The following PLXDC2 variants were observed in gnomAD, a reference collection of about 807,000 sequenced individuals.
PLXDC2 encodes the protein plexin domain containing 2.
Under a neutral mutation model 68.9 loss-of-function variants are expected in PLXDC2, and 40 were observed. The ratio of observed to expected loss-of-function variants is 0.58; its 90% CI spans 0.45 to 0.76. The LOEUF is 0.76. PLXDC2 is among the 30% of genes least tolerant of loss of function. PLXDC2 has a pLI of 0.00. For missense variants in PLXDC2, 644 were observed against 661.9 expected (o/e 0.97, Z 0.30); for synonymous variants, 243 against 234.2 (o/e 1.04, Z -0.34).
intron 6 of PLXDC2, among the ~76,000 whole-genome samples, chr10:20,155,468 A>G (rs978297259): frequency 1.3e-5 from 2 of 152,202 alleles, no homozygotes; most frequent in Non-Finnish European, 2.9e-5. Context: ...GCAGAAAAGA[A>G]TAATATATAT....
rs184481092 is a variant in PLXDC2, at chr10:19,873,879, C to A, written c.112+56688C>A. 1.8e-3 allele frequency among the ~76,000 whole-genome samples: 274 copies of A among 152,222 alleles called. 2 individuals are homozygous for A. Among genetic ancestry groups the A allele is most frequent in the African/African-American group, 5.6e-3 (231 of 41,542 alleles). ...GCATCAAAATGAGGTTTGAGAGTAACTTCTGGGAACCAATTTTTTAGTTCT... is the reference window on the plus strand; with the variant it reads ...GCATCAAAATGAGGTTTGAGAGTAAATTCTGGGAACCAATTTTTTAGTTCT... On this transcript the variant is annotated intron_variant, in intron 1 of 13. Transcript: ENST00000377252.
At chr10:19,998,126 CT>C (rs1364219441) in intron 1 of PLXDC2, among the ~76,000 whole-genome samples, 6 of 152,102 alleles carry the variant, frequency 3.9e-5, no homozygotes, top group Non-Finnish European at 8.8e-5. Flanking sequence ...AAGATCCCTG[CT>C]GTTGTTTTTG....
At position 19,817,110 on chromosome 10, in the gene PLXDC2, G is replaced by T; in HGVS notation, c.31G>T (p.Ala11Ser). 6.4e-7 allele frequency: 1 copy of T among 1,564,910 alleles called. No individual in the cohort carries two copies. Among genetic ancestry groups the T allele is most frequent in the Non-Finnish European group, 8.7e-7 (1 of 1,152,650 alleles). The change falls in exon 1 of 14, where the codon GCT (alanine) becomes TCT (serine). Residue 11 changes from alanine to serine, a missense_variant. Physicochemically the swap from Ala to Ser is moderately conservative, Grantham distance 99 (BLOSUM62 1). Coordinates refer to ENST00000377252, the MANE Select transcript of PLXDC2 (RefSeq NM_032812.9). ...GAGGTTCCCGAAGGCCGACCTGGCC[G>T]CTGCAGGAGTTATGTTACTTTGCCA... MARFPKADLA[A>S]AGVMLLCHFF... is the part of the protein sequence containing the mutation.
chr10:20,217,603 T>A, intron 11 of PLXDC2, 27 bp downstream of exon 11: 1 of 1,365,810 alleles, frequency 7.3e-7, no homozygotes, highest in Non-Finnish European at 9.7e-7. Context: ...TTGCTTTTTT[T>A]TTTTTTTTTT....
At chr10:20,044,126 C>CCTTCCTTCCTTCCTTCCTTCCTTCCTT (rs1564293709) in intron 2 of PLXDC2, among the ~76,000 whole-genome samples, 35 of 14,958 alleles carry the variant, frequency 2.3e-3, no homozygotes, top group East Asian at 7.9e-3. Flanking sequence ...CTTCCTTCCT[C>CCTTCCTTCCTTCCTTCCTTCCTTCCTT]CCTCCCTCCC....
At chr10:19,889,651 A>G (rs1320527793) in intron 1 of PLXDC2, among the ~76,000 whole-genome samples, 1 of 152,182 alleles carries the variant, frequency 6.6e-6, no homozygotes, top group East Asian at 1.9e-4. Context: ...AACTACAAAT[A>G]TGTAAAAATA....
intron 6 of PLXDC2, among the ~76,000 whole-genome samples, chr10:20,162,759 T>C (rs1488484364): frequency 6.6e-6 from 1 of 151,860 alleles, no homozygotes; most frequent in African/African-American, 2.4e-5. Flanking sequence ...TTTAGGTTAG[T>C]AAATCAGTAA....
At chr10:20,189,671 A>G (rs1834738590) in intron 9 of PLXDC2, among the ~76,000 whole-genome samples, 1 of 150,776 alleles carries the variant, frequency 6.6e-6, no homozygotes, top group Non-Finnish European at 1.5e-5. Flanking sequence ...ATGCTGCATA[A>G]CTTTCCTCTG....
Position 19,860,223 on chromosome 10 carries a change from C to T in PLXDC2, c.112+43032C>T, listed in dbSNP as rs938306947. 5.3e-5 allele frequency among the ~76,000 whole-genome samples: 8 copies of T among 152,186 alleles called. 1 individual carries two copies. Among genetic ancestry groups the T allele is most frequent in the Non-Finnish European group, 5.9e-5 (4 of 68,032 alleles). ...TGTCATGCAGGGTGCAGTTTGCAAT[C>T]ATTGATCTGAACAATTATGTTTGTT... On this transcript the variant is annotated intron_variant, in intron 1 of 13. Coordinates refer to ENST00000377252, the MANE Select transcript of PLXDC2 (RefSeq NM_032812.9).
intron 1 of PLXDC2, among the ~76,000 whole-genome samples, chr10:19,946,051 A>G (rs1326229): frequency 0.95 from 144,547 of 152,272 alleles, 68,689 homozygotes; most frequent in East Asian, 1. Flanking sequence ...CAATGGATCA[A>G]GCAGAATGCT....
At chr10:20,051,488 A>G (rs1388838801) in intron 3 of PLXDC2, among the ~76,000 whole-genome samples, 1 of 148,250 alleles carries the variant, frequency 6.7e-6, no homozygotes, top group Non-Finnish European at 1.5e-5. Context: ...ATATACACTT[A>G]GGGTTGGATT....
chr10:20,251,181 A>G (rs1363272518), intron 13 of PLXDC2, among the ~76,000 whole-genome samples: 2 of 152,118 alleles, frequency 1.3e-5, no homozygotes, highest in African/African-American at 2.4e-5. Context: ...ATATTGCTCC[A>G]TCATTCTCAG....
chr10:20,196,656 G>A (rs1834842102), intron 9 of PLXDC2, among the ~76,000 whole-genome samples: 1 of 152,154 alleles, frequency 6.6e-6, no homozygotes, highest in Non-Finnish European at 1.5e-5. Flanking sequence ...CAATTCTAAA[G>A]TTCATGTTCC....
chr10:20,263,958 G>T (rs1244926160), intron 13 of PLXDC2, among the ~76,000 whole-genome samples: 1 of 151,716 alleles, frequency 6.6e-6, no homozygotes, highest in African/African-American at 2.4e-5. Flanking sequence ...CCATTACTTG[G>T]TATATATATA....
At position 19,841,537 on chromosome 10, in the gene PLXDC2, GTTT is replaced by G. The variant is rs34818991; in HGVS notation, c.112+24363_112+24365del. ...TTGTTAGAATATGGTGTGTTTCAGGGTTTTTTTTTTTTTTTTTTTAAGTGTTGC... is the reference window on the plus strand; with the variant it reads ...TTGTTAGAATATGGTGTGTTTCAGGGTTTTTTTTTTTTTTTTAAGTGTTGC... On this transcript the variant is annotated intron_variant, in intron 1 of 13. Transcript: ENST00000377252. 7.6e-3 allele frequency among the ~76,000 whole-genome samples: 969 copies of G among 127,170 alleles called. 8 individuals carry two copies. Among genetic ancestry groups the G allele is most frequent in the East Asian group, 0.021 (93 of 4,530 alleles). 83.4% of individuals were successfully genotyped at this position (127,170 alleles called of 152,430 possible).
At chr10:20,061,882 T>C (rs10827942) in intron 3 of PLXDC2, among the ~76,000 whole-genome samples, 1 of 152,128 alleles carries the variant, frequency 6.6e-6, no homozygotes, top group African/African-American at 2.4e-5. Context: ...GCTGTGATAA[T>C]GCACTGGTGT....
intron 1 of PLXDC2, among the ~76,000 whole-genome samples, chr10:19,987,821 A>G (rs1306910258): frequency 2.6e-5 from 4 of 151,556 alleles, no homozygotes; most frequent in South Asian, 2.1e-4. Flanking sequence ...TCCCGCCTTG[A>G]CCTCCCAAAG....
At chr10:20,183,730 A>T (rs994636196) in intron 9 of PLXDC2, among the ~76,000 whole-genome samples, 4 of 152,034 alleles carry the variant, frequency 2.6e-5, no homozygotes, top group African/African-American at 9.7e-5. Flanking sequence ...TATGCAGATA[A>T]TTGAGGCCAG....
At chr10:19,978,957 C>A (rs1464234940) in intron 1 of PLXDC2, among the ~76,000 whole-genome samples, 1 of 152,076 alleles carries the variant, frequency 6.6e-6, no homozygotes, top group African/African-American at 2.4e-5. Context: ...ACTATTATTA[C>A]CTACAAGTAT....
Sources: gnomAD v4.1 joint callset for allele counts (sites outside exome capture counted in the v4.1 genomes callset) on GRCh38, gnomAD v4.1.1 for gene constraint, MANE v1.5 for transcripts, NCBI Gene and HGNC (gene_info 2026-07-23, HGNC 2026-07-21) for gene names.